The following FAM227B variants were observed in gnomAD, a reference collection of about 807,000 sequenced individuals.
FAM227B encodes the protein protein FAM227B.
A neutral mutation model predicts 73.8 loss-of-function variants in FAM227B; 88 were observed. The observed-to-expected ratio is 1.19, with a 90% confidence interval of 1.00 to 1.42. FAM227B has a LOEUF of 1.42. Among genes scored for constraint, FAM227B ranks in the 40% most tolerant of loss-of-function variants. The probability of loss-of-function intolerance (pLI) is 0.00; values close to 1 mark genes in which losing one functional copy is unlikely to be tolerated. For synonymous variants in FAM227B, 210 were observed against 190.5 expected (o/e 1.10, Z -0.84); for missense variants, 632 against 590.9 (o/e 1.07, Z -0.72).
intron 10 of FAM227B, among the ~76,000 whole-genome samples, chr15:49,526,084 C>T (rs551360447): frequency 6.6e-6 from 1 of 152,060 alleles, no homozygotes; most frequent in Non-Finnish European, 1.5e-5. Flanking sequence ...TTCTACCCAA[C>T]AATTGCAAAA....
At chr15:49,460,333 C>G (rs376112386) in intron 11 of FAM227B, among the ~76,000 whole-genome samples, 1 of 152,210 alleles carries the variant, frequency 6.6e-6, no homozygotes, top group Admixed American at 6.5e-5. Context: ...AACATATAGC[C>G]ATGCTTATGG....
chr15:49,407,388 C>A (rs1454113608), intron 11 of FAM227B, among the ~76,000 whole-genome samples: 3 of 152,030 alleles, frequency 2.0e-5, no homozygotes, highest in Non-Finnish European at 2.9e-5. Context: ...TGGCTTTTTC[C>A]CACTTCAGCC....
chr15:49,606,897 A>T (rs1474085629), intron 3 of FAM227B, among the ~76,000 whole-genome samples: 1 of 152,252 alleles, frequency 6.6e-6, no homozygotes, highest in African/African-American at 2.4e-5. Context: ...TAAATACAAG[A>T]TCTTTTAATA....
At chr15:49,384,605 T>C (rs1278515011) in intron 11 of FAM227B, among the ~76,000 whole-genome samples, 3 of 152,022 alleles carry the variant, frequency 2.0e-5, no homozygotes, top group African/African-American at 4.8e-5. Flanking sequence ...TGTGTGACTT[T>C]CCTACCAACA....
At chr15:49,572,427 T>C (rs1414161602) in intron 8 of FAM227B, among the ~76,000 whole-genome samples, 3 of 152,264 alleles carry the variant, frequency 2.0e-5, no homozygotes, top group African/African-American at 7.2e-5. Flanking sequence ...ATCTCATAAG[T>C]TTTGGTATGT....
At position 49,445,364 on chromosome 15, in the gene FAM227B, A is replaced by C. The variant is rs189369699; in HGVS notation, c.1012+62847T>G. Among the ~76,000 whole-genome samples, 13 of 151,758 alleles carry C rather than the reference A, an allele frequency of 8.6e-5. No homozygotes were observed. The South Asian group carries it at 2.7e-3, about 31-fold the overall frequency. ...TTAGCTCTTACTTATAAGTGAAAAC[A>C]TGCAGTATTTGGTTTTCTGTTCCTG... is the stretch of plus-strand genomic sequence containing the variant. On this transcript the variant is annotated intron_variant, in intron 11 of 15. Transcript: ENST00000299338.
At chr15:49,370,723 T>C (rs896455112) in intron 12 of FAM227B, among the ~76,000 whole-genome samples, 2 of 152,176 alleles carry the variant, frequency 1.3e-5, no homozygotes, top group African/African-American at 4.8e-5. Flanking sequence ...TCTAATTGTC[T>C]AACAAATTAA....
chr15:49,373,748 T>C (rs1314424428), intron 11 of FAM227B, among the ~76,000 whole-genome samples: 1 of 152,168 alleles, frequency 6.6e-6, no homozygotes, highest in Non-Finnish European at 1.5e-5. Flanking sequence ...GTTTTTATTC[T>C]AACAGTCTTC....
intron 10 of FAM227B, among the ~76,000 whole-genome samples, chr15:49,519,696 C>A (rs1031809970): frequency 1.3e-5 from 2 of 151,882 alleles, no homozygotes; most frequent in Admixed American, 6.5e-5. Flanking sequence ...TGGACCCAGC[C>A]CACAAAACCA....
At chr15:49,430,337 T>C (rs879667286) in intron 11 of FAM227B, among the ~76,000 whole-genome samples, 14 of 151,870 alleles carry the variant, frequency 9.2e-5, no homozygotes, top group Non-Finnish European at 1.9e-4. Context: ...TGTCTGCTTA[T>C]TCTGCACTTA....
chr15:49,489,893 G>C (rs1371407696), intron 11 of FAM227B, among the ~76,000 whole-genome samples: 1 of 25,372 alleles, frequency 3.9e-5, no homozygotes, highest in African/African-American at 8.3e-5. Context: ...TAGAGAGAGA[G>C]AGAGAGAGAG....
At chr15:49,398,151 A>C (rs1714559161) in intron 11 of FAM227B, among the ~76,000 whole-genome samples, 1 of 152,224 alleles carries the variant, frequency 6.6e-6, no homozygotes. Context: ...GGTTGGAGGA[A>C]GATCTACCAA....
At chr15:49,551,542 T>C (rs1598159495) in intron 9 of FAM227B, among the ~76,000 whole-genome samples, 2 of 152,348 alleles carry the variant, frequency 1.3e-5, no homozygotes, top group East Asian at 3.9e-4. Flanking sequence ...GTCTTGTTTT[T>C]TCATCCATTC....
At chr15:49,486,818 C>T (rs1159441723) in intron 11 of FAM227B, 3 of 151,740 alleles carry the variant, frequency 2.0e-5, no homozygotes, top group Non-Finnish European at 4.4e-5. Context: ...ATTTATTATG[C>T]AAATTTTAGA....
chr15:49,379,445 T>C (rs2151513497), intron 11 of FAM227B, among the ~76,000 whole-genome samples: 1 of 152,302 alleles, frequency 6.6e-6, no homozygotes, highest in African/African-American at 2.4e-5. Context: ...AGGAGACTTT[T>C]TGTTAGGACT....
chr15:49,568,356 A>AT lies in FAM227B; in HGVS notation c.646-11dup. On this transcript the variant is annotated splice_polypyrimidine_tract_variant and intron_variant, in intron 8 of 15. Transcript: ENST00000299338. ...GGTTTTCTCTGTCAGGCTTAAAAAA[A>AT]TGTGTGAAATTAAAGTCAATATTAC... 1 of 1,510,922 alleles carries AT rather than the reference A, an allele frequency of 6.6e-7. No homozygotes were observed. Among genetic ancestry groups the AT allele is most frequent in the Non-Finnish European group, 9.1e-7 (1 of 1,097,940 alleles). 93.6% of individuals were successfully genotyped at this position (1,510,922 alleles called of 1,614,324 possible).
At chr15:49,368,345 T>G (rs2045521094) in intron 12 of FAM227B, among the ~76,000 whole-genome samples, 1 of 152,204 alleles carries the variant, frequency 6.6e-6, no homozygotes, top group Admixed American at 6.5e-5. Context: ...TGAAAGATTT[T>G]TTATTGATTC....
At chr15:49,456,222 T>C (rs1007785736) in intron 11 of FAM227B, among the ~76,000 whole-genome samples, 3 of 152,122 alleles carry the variant, frequency 2.0e-5, no homozygotes, top group Non-Finnish European at 4.4e-5. Flanking sequence ...TTACCCTATT[T>C]CCCTCTGAGA....
intron 11 of FAM227B, among the ~76,000 whole-genome samples, chr15:49,497,363 C>T (rs1368105539): frequency 6.6e-6 from 1 of 152,112 alleles, no homozygotes; most frequent in Non-Finnish European, 1.5e-5. Flanking sequence ...GGGTAAGGTA[C>T]ACAGAAACTG....
Sources: gnomAD v4.1 joint callset for allele counts (sites outside exome capture counted in the v4.1 genomes callset) on GRCh38, gnomAD v4.1.1 for gene constraint, MANE v1.5 for transcripts, NCBI Gene and HGNC (gene_info 2026-07-23, HGNC 2026-07-21) for gene names.